The following ST8SIA1 variants were observed in gnomAD, a reference collection of about 807,000 sequenced individuals.
ST8SIA1 encodes alpha-N-acetylneuraminide alpha-2,8-sialyltransferase.
A neutral mutation model predicts 35.9 loss-of-function variants in ST8SIA1; 16 were observed. The ratio of observed to expected loss-of-function variants is 0.45; its 90% CI spans 0.30 to 0.68. The LOEUF (loss-of-function observed/expected upper bound fraction) is 0.68. Among genes scored for constraint, ST8SIA1 ranks in the 30% least tolerant of loss-of-function variants. ST8SIA1 has a pLI of 0.09. For synonymous variants in ST8SIA1, 170 were observed against 169.6 expected (o/e 1.00, Z -0.02); for missense variants, 383 against 453.6 (o/e 0.84, Z 1.41).
At chr12:22,314,753 G>GC (rs1378007637) in intron 1 of ST8SIA1, among the ~76,000 whole-genome samples, 1 of 152,070 alleles carries the variant, frequency 6.6e-6, no homozygotes, top group Non-Finnish European at 1.5e-5. Context: ...TGGGCTCTCG[G>GC]CATGACTGTT....
At chr12:22,274,850 A>T (rs1865951170) in intron 2 of ST8SIA1, among the ~76,000 whole-genome samples, 1 of 152,174 alleles carries the variant, frequency 6.6e-6, no homozygotes, top group African/African-American at 2.4e-5. Context: ...ACCACCTGCT[A>T]TGTTATGTGC....
At chr12:22,328,554 T>G (rs1369500089) in intron 1 of ST8SIA1, among the ~76,000 whole-genome samples, 2 of 152,208 alleles carry the variant, frequency 1.3e-5, no homozygotes, top group African/African-American at 2.4e-5. Context: ...AACAAAAATT[T>G]TATTCAGTTC....
At chr12:22,305,620 A>T (rs1293217309) in intron 1 of ST8SIA1, among the ~76,000 whole-genome samples, 1 of 152,124 alleles carries the variant, frequency 6.6e-6, no homozygotes, top group Non-Finnish European at 1.5e-5. Flanking sequence ...ACCTCAGGTG[A>T]CCCACCTGCC....
Position 22,196,194 on chromosome 12 carries a change from A to C in ST8SIA1, c.*5358T>G, listed in dbSNP as rs1345432764. On this transcript the variant is annotated 3_prime_UTR_variant, in exon 5 of 5. Coordinates refer to ENST00000396037, the MANE Select transcript of ST8SIA1 (RefSeq NM_003034.4). ...GATTATCTGGCAAATGCTCGCAGGC[A>C]TGTAAGTCAATTTAAAATATGGTAT... 6.6e-6 allele frequency: 1 copy of C among 152,222 alleles called. No homozygotes were observed. Among genetic ancestry groups the C allele is most frequent in the Non-Finnish European group, 1.5e-5 (1 of 68,032 alleles). The allele number at this position is 152,222 out of a possible 1,614,324, so 9.4% of individuals were successfully genotyped here.
chr12:22,202,721 T>C (rs1865062530), intron 4 of ST8SIA1, among the ~76,000 whole-genome samples: 1 of 152,156 alleles, frequency 6.6e-6, no homozygotes, highest in Admixed American at 6.5e-5. Context: ...GATACTTGTA[T>C]AAAGTACTAT....
chr12:22,303,819 C>A (rs962824296), intron 1 of ST8SIA1, among the ~76,000 whole-genome samples: 1 of 149,240 alleles, frequency 6.7e-6, no homozygotes, highest in Non-Finnish European at 1.5e-5. Context: ...TGGCTAAATC[C>A]GCCCCGCCAC....
intron 1 of ST8SIA1, among the ~76,000 whole-genome samples, chr12:22,304,465 T>C (rs1325170345): frequency 6.6e-6 from 1 of 152,046 alleles, no homozygotes; most frequent in East Asian, 1.9e-4. Context: ...TAAAATAGTT[T>C]ATAACAGCCT....
At chr12:22,249,493 T>A (rs574724959) in intron 3 of ST8SIA1, among the ~76,000 whole-genome samples, 2 of 152,350 alleles carry the variant, frequency 1.3e-5, no homozygotes, top group East Asian at 1.9e-4. Context: ...GTACTGGGAT[T>A]ACAGGCGTGA....
At chr12:22,254,280 A>G (rs984136195) in intron 3 of ST8SIA1, among the ~76,000 whole-genome samples, 15 of 151,766 alleles carry the variant, frequency 9.9e-5, no homozygotes, top group African/African-American at 3.6e-4. Context: ...GAGCTCTGAA[A>G]TCTTGCCCTC....
At chr12:22,235,590 T>C (rs1436441742) in intron 4 of ST8SIA1, among the ~76,000 whole-genome samples, 3 of 152,206 alleles carry the variant, frequency 2.0e-5, no homozygotes, top group Admixed American at 1.3e-4. Context: ...AAAGAGGCTC[T>C]TGGCATATAT....
intron 3 of ST8SIA1, among the ~76,000 whole-genome samples, chr12:22,249,380 G>A (rs930235743): frequency 4.0e-5 from 6 of 151,720 alleles, no homozygotes; most frequent in South Asian, 2.1e-4. Context: ...CACCACACCC[G>A]GCTAATTTTT....
At chr12:22,261,878 G>A (rs1399930596) in intron 2 of ST8SIA1, among the ~76,000 whole-genome samples, 1 of 152,064 alleles carries the variant, frequency 6.6e-6, no homozygotes, top group Non-Finnish European at 1.5e-5. Flanking sequence ...CCTAGTATGG[G>A]CCAGGAGCTG....
At chr12:22,249,903 A>C (rs558331058) in intron 3 of ST8SIA1, among the ~76,000 whole-genome samples, 1 of 152,298 alleles carries the variant, frequency 6.6e-6, no homozygotes, top group Non-Finnish European at 1.5e-5. Flanking sequence ...CAAAATTATA[A>C]GAGTGCATTC....
chr12:22,218,052 G>T (rs994668236), intron 4 of ST8SIA1, among the ~76,000 whole-genome samples: 4 of 152,130 alleles, frequency 2.6e-5, no homozygotes, highest in African/African-American at 9.7e-5. Flanking sequence ...AAATAGGCCC[G>T]GTGATTCATG....
intron 2 of ST8SIA1, among the ~76,000 whole-genome samples, chr12:22,278,353 C>T (rs909364056): frequency 1.3e-5 from 2 of 152,128 alleles, no homozygotes; most frequent in Non-Finnish European, 2.9e-5. Flanking sequence ...AAACAATCTC[C>T]ATGTCAGGCA....
chr12:22,291,977 G>C (rs1866182144), intron 1 of ST8SIA1, among the ~76,000 whole-genome samples: 1 of 152,002 alleles, frequency 6.6e-6, no homozygotes, highest in Non-Finnish European at 1.5e-5. Flanking sequence ...ATAATATAAA[G>C]CAGAATAACA....
chr12:22,235,140 T>C (rs796228968), intron 4 of ST8SIA1, among the ~76,000 whole-genome samples: 1 of 152,216 alleles, frequency 6.6e-6, no homozygotes, highest in Non-Finnish European at 1.5e-5. Flanking sequence ...ATGCATATCA[T>C]GATTTATAAA....
At chr12:22,327,853 C>T (rs1474482902) in intron 1 of ST8SIA1, among the ~76,000 whole-genome samples, 2 of 152,214 alleles carry the variant, frequency 1.3e-5, no homozygotes, top group East Asian at 3.9e-4. Flanking sequence ...AGAGACACCT[C>T]CTTTCTCTAA....
At chr12:22,202,490 A>C (rs1252812554) in intron 4 of ST8SIA1, among the ~76,000 whole-genome samples, 1 of 152,224 alleles carries the variant, frequency 6.6e-6, no homozygotes, top group Non-Finnish European at 1.5e-5. Context: ...AAATTCTATG[A>C]TTCTATAAAT....
Sources: gnomAD v4.1 joint callset for allele counts (sites outside exome capture counted in the v4.1 genomes callset) on GRCh38, gnomAD v4.1.1 for gene constraint, MANE v1.5 for transcripts, NCBI Gene and HGNC (gene_info 2026-07-23, HGNC 2026-07-21) for gene names.